DGKB: variants seen among roughly 807,000 people sequenced by gnomAD.
The protein encoded by DGKB is 90 kDa diacylglycerol kinase.
Under a neutral mutation model 114.3 loss-of-function variants are expected in DGKB, and 67 were observed. That is an observed-to-expected ratio of 0.59 (90% confidence interval 0.48 to 0.72). DGKB has a LOEUF of 0.72. Among genes scored for constraint, DGKB ranks in the 30% least tolerant of loss-of-function variants. The pLI is 0.00. For missense variants in DGKB, 907 were observed against 975.2 expected (o/e 0.93, Z 0.93); for synonymous variants, 398 against 323.1 (o/e 1.23, Z -2.49).
intron 25 of DGKB, among the ~76,000 whole-genome samples, chr7:14,169,203 A>T (rs933458341): frequency 5.3e-3 from 63 of 11,872 alleles, no homozygotes; most frequent in Admixed American, 0.01. Flanking sequence ...ACTAAAAATT[A>T]AAAAAAAAAA....
chr7:14,482,387 T>A (rs1783113854), intron 20 of DGKB, among the ~76,000 whole-genome samples: 1 of 152,042 alleles, frequency 6.6e-6, no homozygotes, highest in South Asian at 2.1e-4. Flanking sequence ...GTATTCAGAA[T>A]TTTTTGGGTT....
chr7:14,723,701 A>T (rs1829600316), intron 5 of DGKB, among the ~76,000 whole-genome samples: 1 of 152,176 alleles, frequency 6.6e-6, no homozygotes. Context: ...ATTATCTTGT[A>T]CTTAGCATTT....
chr7:14,286,634 T>A (rs554322804), intron 23 of DGKB, among the ~76,000 whole-genome samples: 1 of 152,278 alleles, frequency 6.6e-6, no homozygotes, highest in East Asian at 1.9e-4. Flanking sequence ...ATTCTCATTT[T>A]TGCAGTCCTT....
intron 23 of DGKB, among the ~76,000 whole-genome samples, chr7:14,232,982 T>C (rs1045458788): frequency 3.9e-5 from 6 of 152,082 alleles, no homozygotes; most frequent in African/African-American, 1.4e-4. Flanking sequence ...AGGAAGAATC[T>C]GCTGGTCACT....
Position 14,682,788 on chromosome 7 carries a change from T to G in DGKB, c.883A>C (p.Ile295Leu). The change falls in exon 11 of 26, where the codon ATC becomes CTC. Residue 295 changes from isoleucine to leucine, a missense_variant. By Grantham distance (5) the Ile-to-Leu change is conservative (BLOSUM62 2). This residue lies in a region of DGKB where 814 missense variants were observed against 856.6 expected (regional missense o/e 0.95). Coordinates refer to ENST00000402815, the MANE Select transcript of DGKB (RefSeq NM_001350709.2). The part of the protein sequence containing the change: ...RCVARAPPSC[I>L]KTYVKSKRNT... Reference sequence around the variant, plus strand: ...CTTTTGGACTTCACATAGGTCTTGATGCAAGAGGGAGGTGCTCGAGCCACA... The same window carrying G: ...CTTTTGGACTTCACATAGGTCTTGAGGCAAGAGGGAGGTGCTCGAGCCACA... 2 of 1,609,594 alleles carry G rather than the reference T, an allele frequency of 1.2e-6. No homozygotes were observed. The highest frequency in any genetic ancestry group is 1.7e-6 in the Non-Finnish European group (2 of 1,177,596).
chr7:14,670,035 A>T (rs1382798121), intron 13 of DGKB, among the ~76,000 whole-genome samples: 2 of 152,120 alleles, frequency 1.3e-5, no homozygotes, highest in Non-Finnish European at 2.9e-5. Flanking sequence ...GGGAGCTCTC[A>T]TTCTACTCTG....
At chr7:14,341,074 C>T (rs928656909) in intron 22 of DGKB, among the ~76,000 whole-genome samples, 1 of 151,510 alleles carries the variant, frequency 6.6e-6, no homozygotes, top group African/African-American at 2.4e-5. Context: ...CATGTTTTCA[C>T]TCTTCAGAGT....
At chr7:14,188,150 C>T (rs1483671620) in intron 23 of DGKB, among the ~76,000 whole-genome samples, 1 of 151,602 alleles carries the variant, frequency 6.6e-6, no homozygotes, top group African/African-American at 2.4e-5. Flanking sequence ...AATAGCCCAG[C>T]CAGAGGAGGG....
chr7:14,870,639 T>C (rs1469622598), intron 1 of DGKB, among the ~76,000 whole-genome samples: 1 of 151,902 alleles, frequency 6.6e-6, no homozygotes, highest in East Asian at 1.9e-4. Flanking sequence ...CTACTAAAAA[T>C]ACAAAAACAC....
intron 25 of DGKB, among the ~76,000 whole-genome samples, chr7:14,172,828 C>T (rs1313774305): frequency 2.6e-5 from 4 of 152,106 alleles, no homozygotes; most frequent in Non-Finnish European, 5.9e-5. Context: ...ATGTCCTCTC[C>T]TATCCTACCA....
chr7:14,425,316 T>C (rs1827335792), intron 21 of DGKB, among the ~76,000 whole-genome samples: 1 of 152,222 alleles, frequency 6.6e-6, no homozygotes, highest in African/African-American at 2.4e-5. Context: ...TGTACCATTA[T>C]ACTAAGGCCA....
chr7:14,830,370 A>AT (rs34706786), intron 2 of DGKB, among the ~76,000 whole-genome samples: 135,022 of 151,642 alleles, frequency 0.89, 60,464 homozygotes, highest in East Asian at 0.99. Context: ...TAGAGAAATA[A>AT]TTTAATAGGC....
chr7:14,722,179 C>T (rs541600872), intron 5 of DGKB, among the ~76,000 whole-genome samples: 1 of 152,100 alleles, frequency 6.6e-6, no homozygotes, highest in Non-Finnish European at 1.5e-5. Context: ...TGAGTTTGGA[C>T]AGGTGTATAA....
intron 1 of DGKB, among the ~76,000 whole-genome samples, chr7:14,899,980 G>C (rs560199156): frequency 1.3e-5 from 2 of 152,116 alleles, no homozygotes; most frequent in Middle Eastern, 3.4e-3. Context: ...CCCTGAGTTT[G>C]AGTTTTTTCT....
chr7:14,538,344 C>A (rs1365364345), intron 20 of DGKB, among the ~76,000 whole-genome samples: 1 of 151,908 alleles, frequency 6.6e-6, no homozygotes, highest in Non-Finnish European at 1.5e-5. Context: ...AGACATTTTT[C>A]CAAAAAAGAT....
At chr7:14,455,843 T>C (rs1358762588) in intron 21 of DGKB, among the ~76,000 whole-genome samples, 4 of 152,028 alleles carry the variant, frequency 2.6e-5, no homozygotes, top group African/African-American at 9.7e-5. Context: ...TTAAGAACTT[T>C]AAGACAACGG....
chr7:14,594,027 T>C (rs1802129657), intron 17 of DGKB, among the ~76,000 whole-genome samples: 1 of 152,060 alleles, frequency 6.6e-6, no homozygotes, highest in African/African-American at 2.4e-5. Flanking sequence ...CTCAGTTCAT[T>C]GGAACACTCA....
chr7:14,216,116 A>T (rs1026479486), intron 23 of DGKB, among the ~76,000 whole-genome samples: 2 of 152,190 alleles, frequency 1.3e-5, no homozygotes, highest in Admixed American at 1.3e-4. Context: ...ATGAAGATAT[A>T]CGATTGTAAA....
intron 2 of DGKB, among the ~76,000 whole-genome samples, chr7:14,812,112 G>A (rs915754439): frequency 6.6e-6 from 1 of 152,124 alleles, no homozygotes; most frequent in East Asian, 1.9e-4. Flanking sequence ...TGTAGTATGT[G>A]TCAAAATTTC....
Sources: gnomAD v4.1 joint callset for allele counts (sites outside exome capture counted in the v4.1 genomes callset) on GRCh38, gnomAD v4.1.1 for gene constraint, gnomAD v4.1.1 regional missense constraint, MANE v1.5 for transcripts, NCBI Gene and HGNC (gene_info 2026-07-23, HGNC 2026-07-21) for gene names.